ZMAT3: variants seen among roughly 807,000 people sequenced by gnomAD.
ZMAT3 encodes the protein zinc finger matrin-type 3.
ZMAT3 carries 17 observed loss-of-function variants against 32.3 expected under a neutral mutation model. That is an observed-to-expected ratio of 0.53 (90% CI 0.36 to 0.79). ZMAT3 has a LOEUF of 0.79. ZMAT3 is among the 30% of genes least tolerant of loss of function. The pLI is 0.00. For synonymous variants in ZMAT3, 120 were observed against 133.1 expected (o/e 0.90, Z 0.68); for missense variants, 329 against 359.7 (o/e 0.91, Z 0.69).
rs367829883 is a variant in ZMAT3 at position 179,035,362 on chromosome 3, G to A, written c.271-4363C>T. On this transcript the variant is annotated intron_variant, in intron 2 of 5. Coordinates refer to ENST00000311417, the MANE Select transcript of ZMAT3 (RefSeq NM_022470.4). ...TGCTCCTTAAACATGCCAAGCTCAG[G>A]CTAGCTCCAAGGCCTTTGTACTTAA... Among the ~76,000 whole-genome samples, 8 of 152,230 alleles carry A rather than the reference G, an allele frequency of 5.3e-5. 1 individual carries two copies. In the East Asian group the frequency reaches 1.5e-3, roughly 29 times the overall value.
chr3:179,060,371 G>A (rs990123133), intron 2 of ZMAT3, among the ~76,000 whole-genome samples: 2 of 151,918 alleles, frequency 1.3e-5, no homozygotes. Context: ...CTGGAGAATA[G>A]TGACTAAGAA....
Position 179,030,913 on chromosome 3 carries a change from A to G in ZMAT3, c.357T>C (p.Pro119=), listed in dbSNP as rs2108540806. The change falls in exon 3 of 6, where the codon CCT becomes CCC. Residue 119 remains proline, a synonymous_variant. Transcript: ENST00000311417. ...GGACTGGAACAACTGGAGTAGCTGC[A>G]GGCTCGACCACATTGCTCATTCTAG... ...PPARMSNVVE[P]AATPVVPVPP... The G allele has an allele frequency of 6.2e-7, 1 of 1,613,866 alleles. No homozygotes were observed. Among genetic ancestry groups the G allele is most frequent in the Non-Finnish European group, 8.5e-7 (1 of 1,179,844 alleles).
In ZMAT3 at chr3:179,070,227, T is replaced by C. The variant is rs372954673; in HGVS notation, c.-58+1368A>G. 1.1e-4 allele frequency among the ~76,000 whole-genome samples: 16 copies of C among 152,312 alleles called. No individual in the cohort carries two copies. The South Asian group carries it at 1.2e-3, about 12-fold the overall frequency. On this transcript the variant is annotated intron_variant, in intron 1 of 5. Coordinates refer to ENST00000311417, the MANE Select transcript of ZMAT3 (RefSeq NM_022470.4). Reference sequence around the variant, plus strand: ...TTGTTTTATGAAAGCTCACTTTCACTTGAGGAAATTCTAGCATGTGTCTCC... The same window carrying C: ...TTGTTTTATGAAAGCTCACTTTCACCTGAGGAAATTCTAGCATGTGTCTCC...
chr3:179,047,949 T>C (rs913937222), intron 2 of ZMAT3, among the ~76,000 whole-genome samples: 1 of 151,560 alleles, frequency 6.6e-6, no homozygotes, highest in Admixed American at 6.6e-5. Context: ...TTCAGTGAAA[T>C]AGATAGCATA....
rs1303142075 is a variant in ZMAT3, at chr3:179,020,244, C to T, written c.*4773G>A. 6.6e-6 allele frequency: 1 copy of T among 152,118 alleles called. No individual in the cohort carries two copies. The highest frequency in any genetic ancestry group is 6.6e-5 in the Admixed American group (1 of 15,264). 9.4% of individuals were successfully genotyped at this position (152,118 alleles called of 1,614,324 possible). A position where few individuals can be genotyped will look rare whatever the true frequency, so the allele number is the denominator to read the frequency against. On this transcript the variant is annotated 3_prime_UTR_variant, in exon 6 of 6. Coordinates refer to ENST00000311417, the MANE Select transcript of ZMAT3 (RefSeq NM_022470.4). The stretch of plus-strand genomic sequence containing the variant: ...TTAACGGAGACAAGGTCACATGGGA[C>T]CATAAGCCAGTACGTTTTTTGGTAG...
At chr3:179,054,195 T>C (rs1720715163) in intron 2 of ZMAT3, among the ~76,000 whole-genome samples, 1 of 152,230 alleles carries the variant, frequency 6.6e-6, no homozygotes. Context: ...CCACTGCACC[T>C]TGGGACCACT....
At chr3:179,049,100 G>C (rs918788627) in intron 2 of ZMAT3, among the ~76,000 whole-genome samples, 2 of 152,078 alleles carry the variant, frequency 1.3e-5, no homozygotes, top group Non-Finnish European at 2.9e-5. Flanking sequence ...AATAATAAAA[G>C]GACTAGTCCA....
rs1199214440 is a variant in ZMAT3, at chr3:179,021,927, T to C, written c.*3090A>G. On this transcript the variant is annotated 3_prime_UTR_variant, in exon 6 of 6. Transcript: ENST00000311417. ...CCTACTGTCATAGAGATTTGTGATT[T>C]TTTTTCAGATGTGCATGTAACTTTT... 6.6e-6 allele frequency: 1 copy of C among 152,206 alleles called. No individual in the cohort carries two copies. Among genetic ancestry groups the C allele is most frequent in the East Asian group, 1.9e-4 (1 of 5,202 alleles). 9.4% of individuals were successfully genotyped at this position (152,206 alleles called of 1,614,324 possible).
At chr3:179,057,605 C>T (rs1048852445) in intron 2 of ZMAT3, among the ~76,000 whole-genome samples, 1 of 152,232 alleles carries the variant, frequency 6.6e-6, no homozygotes, top group Non-Finnish European at 1.5e-5. Flanking sequence ...CCCAAGCACT[C>T]TTAAATTTCC....
chr3:179,017,537 T>G lies in ZMAT3; in HGVS notation c.*7480A>C, dbSNP rs1376316643. The G allele has an allele frequency of 2.0e-5, 3 of 152,192 alleles. No individual in the cohort carries two copies. The highest frequency in any genetic ancestry group is 1.3e-4 in the Admixed American group (2 of 15,268). 9.4% of individuals were successfully genotyped at this position (152,192 alleles called of 1,614,324 possible). ...TGACTGGCACTCCGACCCAACAGCA[T>G]ACACAGATCTTAAGCCTCTGTATGA... On this transcript the variant is annotated 3_prime_UTR_variant, in exon 6 of 6. Transcript: ENST00000311417.
Position 179,055,646 on chromosome 3 carries a change from C to G in ZMAT3, c.270+11837G>C, listed in dbSNP as rs140902515. Reference sequence around the variant, plus strand: ...TTCGGCCCAGCCAGAGTGCCTGTACCTTTTTCTCTCTCAGACTTAAAGCAA... The same window carrying G: ...TTCGGCCCAGCCAGAGTGCCTGTACGTTTTTCTCTCTCAGACTTAAAGCAA... On this transcript the variant is annotated intron_variant, in intron 2 of 5. Transcript: ENST00000311417. Among the ~76,000 whole-genome samples the G allele has an allele frequency of 3.2e-4, 49 of 152,306 alleles. No homozygotes were observed. The East Asian group carries it at 8.5e-3, about 26-fold the overall frequency.
chr3:179,020,833 C>G lies in ZMAT3; in HGVS notation c.*4184G>C, dbSNP rs553274143. ...AAACTGTTGTTGCTTGCTGTCCCAGCCAATTCAAGAGTGAAGGAAGATGTA... is the reference window on the plus strand; with the variant it reads ...AAACTGTTGTTGCTTGCTGTCCCAGGCAATTCAAGAGTGAAGGAAGATGTA... On this transcript the variant is annotated 3_prime_UTR_variant, in exon 6 of 6. Transcript: ENST00000311417. The G allele has an allele frequency of 5.3e-5, 8 of 152,232 alleles. No homozygotes were observed. Among genetic ancestry groups the G allele is most frequent in the Admixed American group, 5.2e-4 (8 of 15,276 alleles). The allele number at this position is 152,232 out of a possible 1,614,324, so 9.4% of individuals were successfully genotyped here. A position where few individuals can be genotyped will look rare whatever the true frequency, so the allele number is the denominator to read the frequency against.
At chr3:179,038,230 G>A (rs1018543193) in intron 2 of ZMAT3, among the ~76,000 whole-genome samples, 4 of 152,194 alleles carry the variant, frequency 2.6e-5, no homozygotes, top group Non-Finnish European at 5.9e-5. Context: ...GTTTACGAAC[G>A]AGGTCAGGTT....
rs983314607 is a variant in ZMAT3, at chr3:179,020,738, T to C, written c.*4279A>G. The C allele has an allele frequency of 4.6e-5, 7 of 152,282 alleles. No individual in the cohort carries two copies. The highest frequency in any genetic ancestry group is 1.7e-4 in the African/African-American group (7 of 41,568). 9.4% of individuals were successfully genotyped at this position (152,282 alleles called of 1,614,324 possible). A position where few individuals can be genotyped will look rare whatever the true frequency, so the allele number is the denominator to read the frequency against. ...CCTTCCTAGCCCTCCCTGTAGAAAA[T>C]ACCATGTTGCACAGTTACATGTGTC... On this transcript the variant is annotated 3_prime_UTR_variant, in exon 6 of 6. Coordinates refer to ENST00000311417, the MANE Select transcript of ZMAT3 (RefSeq NM_022470.4).
chr3:179,052,370 A>G (rs1720613319), intron 2 of ZMAT3, among the ~76,000 whole-genome samples: 1 of 152,198 alleles, frequency 6.6e-6, no homozygotes, highest in Admixed American at 6.5e-5. Context: ...AGATATACAA[A>G]TGGGCAATAA....
At chr3:179,034,329 C>G (rs1468534696) in intron 2 of ZMAT3, among the ~76,000 whole-genome samples, 1 of 152,184 alleles carries the variant, frequency 6.6e-6, no homozygotes, top group Non-Finnish European at 1.5e-5. Flanking sequence ...AGAGTCAAAT[C>G]CAGTGGTCAC....
At position 179,030,987 on chromosome 3, in the gene ZMAT3, C is replaced by T; in HGVS notation, c.283G>A (p.Gly95Ser). 1 of 1,613,148 alleles carries T rather than the reference C, an allele frequency of 6.2e-7. No homozygotes were observed. Among genetic ancestry groups the T allele is most frequent in the Non-Finnish European group, 8.5e-7 (1 of 1,179,590 alleles). Reference sequence around the variant, plus strand: ...GCATAGTAATTTCGGAGTTTCTTACCATGATTTTTACCCTAGAAATAAAAA... The same window carrying T: ...GCATAGTAATTTCGGAGTTTCTTACTATGATTTTTACCCTAGAAATAAAAA... ...AQAHYQGKNH[G>S]KKLRNYYAAN... Residue 95 changes from glycine to serine, a missense_variant, in exon 3 of 6, where the codon GGT becomes AGT. Transcript: ENST00000311417.
chr3:179,053,033 C>A (rs1720650900), intron 2 of ZMAT3, among the ~76,000 whole-genome samples: 2 of 152,028 alleles, frequency 1.3e-5, no homozygotes, highest in South Asian at 4.1e-4. Context: ...GAGGCTAAGG[C>A]AGGAGAATCG....
intron 2 of ZMAT3, among the ~76,000 whole-genome samples, chr3:179,043,461 A>G (rs1442746422): frequency 1.3e-5 from 2 of 152,210 alleles, no homozygotes; most frequent in African/African-American, 4.8e-5. Flanking sequence ...TGACAAAAAC[A>G]AGAAATGGGG....
Sources: gnomAD v4.1 joint callset for allele counts (sites outside exome capture counted in the v4.1 genomes callset) on GRCh38, gnomAD v4.1.1 for gene constraint, MANE v1.5 for transcripts, NCBI Gene and HGNC (gene_info 2026-07-23, HGNC 2026-07-21) for gene names.